Variants in PLA2G5 observed in about 807,000 individuals in gnomAD.
PLA2G5 encodes Ca2+-dependent phospholipase A2.
In PLA2G5, 12 loss-of-function variants were observed where a neutral mutation model predicts 15.9. The observed-to-expected ratio is 0.76, with a 90% CI of 0.48 to 1.23. The LOEUF is 1.23. Ranked by LOEUF, PLA2G5 falls within the 50% of genes most tolerant of loss-of-function variation. The pLI is 0.00. For synonymous variants in PLA2G5, 71 were observed against 71.4 expected (o/e 0.99, Z 0.03); for missense variants, 169 against 177.1 (o/e 0.95, Z 0.26).
chr1:20,029,451 G>A (rs1911235), intron 1 of PLA2G5, among the ~76,000 whole-genome samples: 40,936 of 151,774 alleles, frequency 0.27, 5,856 homozygotes, highest in East Asian at 0.44. Context: ...GTGTTCTTCC[G>A]CTGATCTGCT....
At chr1:20,051,425 C>CT (rs1467744880) in intron 1 of PLA2G5, among the ~76,000 whole-genome samples, 1 of 152,188 alleles carries the variant, frequency 6.6e-6, no homozygotes, top group Admixed American at 6.5e-5. Flanking sequence ...ATCTTTTTGA[C>CT]TTTTTGCTTA....
At chr1:20,061,994 A>T (rs1180966890) in intron 2 of PLA2G5, among the ~76,000 whole-genome samples, 2 of 152,198 alleles carry the variant, frequency 1.3e-5, no homozygotes, top group African/African-American at 4.8e-5. Context: ...GGCTTGGGCC[A>T]TCCCTTTGGT....
intron 1 of PLA2G5, among the ~76,000 whole-genome samples, chr1:20,043,441 G>C: frequency 6.6e-6 from 1 of 152,158 alleles, no homozygotes; most frequent in East Asian, 1.9e-4. Context: ...GGCATTGAGT[G>C]GGGTAAGGGT....
At chr1:20,058,141 C>T (rs1377186455) in intron 1 of PLA2G5, among the ~76,000 whole-genome samples, 1 of 152,136 alleles carries the variant, frequency 6.6e-6, no homozygotes, top group Admixed American at 6.5e-5. Flanking sequence ...CATTTAGATC[C>T]AGCTGTTAGA....
At chr1:20,051,634 G>A (rs1264268478) in intron 1 of PLA2G5, among the ~76,000 whole-genome samples, 1 of 152,216 alleles carries the variant, frequency 6.6e-6, no homozygotes, top group Non-Finnish European at 1.5e-5. Flanking sequence ...CATAAGTGCA[G>A]TAAGAATCTG....
intron 1 of PLA2G5, among the ~76,000 whole-genome samples, chr1:20,071,247 C>G (rs1214063423): frequency 6.6e-6 from 1 of 152,186 alleles, no homozygotes; most frequent in Non-Finnish European, 1.5e-5. Context: ...AGTGTGGTAT[C>G]TGGGCTCAAT....
intron 3 of PLA2G5, 65 bp from the exon 4 acceptor site, chr1:20,089,724 C>T (rs534717562): frequency 3.0e-6 from 4 of 1,317,700 alleles, no homozygotes; most frequent in Middle Eastern, 1.8e-4. Flanking sequence ...AATTTTTGCT[C>T]CTATTAGGGA....
intron 1 of PLA2G5, among the ~76,000 whole-genome samples, chr1:20,049,489 C>T (rs1459671471): frequency 6.6e-6 from 1 of 151,950 alleles, no homozygotes; most frequent in Non-Finnish European, 1.5e-5. Context: ...CAAATCTCAC[C>T]TTGAATTGTA....
chr1:20,031,969 TAG>T (rs1457247967), intron 1 of PLA2G5, among the ~76,000 whole-genome samples: 3 of 151,902 alleles, frequency 2.0e-5, no homozygotes, highest in Non-Finnish European at 2.9e-5. Context: ...CTACCCGGTA[TAG>T]AAGGGGGAGG....
intron 1 of PLA2G5, among the ~76,000 whole-genome samples, chr1:20,047,936 T>C (rs1218715718): frequency 6.6e-6 from 1 of 152,152 alleles, no homozygotes; most frequent in Non-Finnish European, 1.5e-5. Flanking sequence ...TTAAGATGAC[T>C]TAGCTGACAA....
intron 1 of PLA2G5, among the ~76,000 whole-genome samples, chr1:20,030,577 C>T (rs1437822738): frequency 6.6e-6 from 1 of 152,120 alleles, no homozygotes; most frequent in Admixed American, 6.5e-5. Flanking sequence ...TTCACTAATC[C>T]TCCTCAGCAC....
chr1:20,078,360 A>AT lies in PLA2G5; in HGVS notation c.-10-6452dup, dbSNP rs3841817. Among the ~76,000 whole-genome samples the AT allele has an allele frequency of 5.1e-3, 776 of 151,666 alleles. 1 individual carries two copies. The highest frequency in any genetic ancestry group is 7.8e-3 in the Non-Finnish European group (528 of 67,884). ...GTAGAATTGTCCCTAGAGGCAAGGG[A>AT]TTTTTTTTTCTTTTTTGTGGCTTGG... On this transcript the variant is annotated intron_variant, in intron 1 of 4. Coordinates refer to ENST00000375108, the MANE Select transcript of PLA2G5 (RefSeq NM_000929.3).
chr1:20,029,224 C>A (rs981797846), intron 1 of PLA2G5, among the ~76,000 whole-genome samples: 47 of 152,210 alleles, frequency 3.1e-4, no homozygotes, highest in African/African-American at 1.1e-3. Context: ...TGGCACCCTG[C>A]GCTCTCCTCT....
chr1:20,086,012 A>C (rs1263183142), intron 2 of PLA2G5, 71 bp from the exon 3 acceptor site: 1 of 1,518,644 alleles, frequency 6.6e-7, no homozygotes, highest in Non-Finnish European at 9.1e-7. Flanking sequence ...AGGGTAGGAG[A>C]TGTTGGGCAG....
chr1:20,062,160 A>G (rs914215094), intron 2 of PLA2G5, among the ~76,000 whole-genome samples: 2 of 152,232 alleles, frequency 1.3e-5, no homozygotes, highest in Non-Finnish European at 2.9e-5. Flanking sequence ...AAGCCTGCAG[A>G]ACCATGAGGC....
chr1:20,043,877 G>C (rs888726469), intron 1 of PLA2G5, among the ~76,000 whole-genome samples: 1 of 152,214 alleles, frequency 6.6e-6, no homozygotes, highest in Non-Finnish European at 1.5e-5. Context: ...ACCCTCCACT[G>C]TGAGAGTTAC....
intron 1 of PLA2G5, among the ~76,000 whole-genome samples, chr1:20,035,148 C>A (rs1469367283): frequency 4.6e-5 from 7 of 152,064 alleles, no homozygotes; most frequent in Non-Finnish European, 1.0e-4. Context: ...AAGAAAGGTA[C>A]AGAAAGAGAG....
At chr1:20,062,112 C>T (rs976241500) in intron 2 of PLA2G5, among the ~76,000 whole-genome samples, 1 of 152,198 alleles carries the variant, frequency 6.6e-6, no homozygotes, top group African/African-American at 2.4e-5. Flanking sequence ...TGAGGCCTCC[C>T]TAGAAGCCGA....
chr1:20,084,745 G>C (rs1210827595), intron 1 of PLA2G5, 76 bp from the exon 2 acceptor site: 2 of 927,924 alleles, frequency 2.2e-6, no homozygotes. Context: ...GCCTGGTGGA[G>C]AGCCAGGGTG....
Sources: gnomAD v4.1 joint callset for allele counts (sites outside exome capture counted in the v4.1 genomes callset) on GRCh38, gnomAD v4.1.1 for gene constraint, MANE v1.5 for transcripts, NCBI Gene and HGNC (gene_info 2026-07-23, HGNC 2026-07-21) for gene names.